Variants in KIF5C observed in about 807,000 individuals in gnomAD.
KIF5C encodes the protein kinesin heavy chain isoform 5C.
In KIF5C, 18 loss-of-function variants were observed where a neutral mutation model predicts 125.2. The ratio of observed to expected loss-of-function variants is 0.14; its 90% CI spans 0.10 to 0.21. The LOEUF is 0.21. Among genes scored for constraint, KIF5C ranks in the 10% least tolerant of loss-of-function variants. The probability of loss-of-function intolerance (pLI) is 1.00; values close to 1 mark genes in which losing one functional copy is unlikely to be tolerated. For synonymous variants in KIF5C, 405 were observed against 434.0 expected (o/e 0.93, Z 0.83); for missense variants, 780 against 1,183.8 (o/e 0.66, Z 5.01).
Position 149,025,202 on chromosome 2 carries a change from A to G in KIF5C, c.*2132A>G, listed in dbSNP as rs1208719913. 6.6e-6 allele frequency: 1 copy of G among 152,638 alleles called. No individual in the cohort carries two copies. The highest frequency in any genetic ancestry group is 2.4e-5 in the African/African-American group (1 of 41,450). 9.5% of individuals were successfully genotyped at this position (152,638 alleles called of 1,614,324 possible). ...TGTAGTTCCATTTTACTTGATCTCT[A>G]CAAGGGACTGACAACATTTGCTTTA... On this transcript the variant is annotated 3_prime_UTR_variant, in exon 26 of 26. Transcript: ENST00000435030.
chr2:148,887,082 A>G (rs1681548871), intron 1 of KIF5C, among the ~76,000 whole-genome samples: 1 of 152,252 alleles, frequency 6.6e-6, no homozygotes, highest in Non-Finnish European at 1.5e-5. Flanking sequence ...TCAAATTGGG[A>G]TAAGCAGTAG....
At chr2:148,946,697 T>C (rs538789156) in intron 7 of KIF5C, among the ~76,000 whole-genome samples, 1 of 152,340 alleles carries the variant, frequency 6.6e-6, no homozygotes, top group South Asian at 2.1e-4. Context: ...CTTTGCTCCT[T>C]GAAGACATTT....
At chr2:148,950,575 A>C in intron 10 of KIF5C, 113 bp downstream of exon 10, 1 of 1,381,942 alleles carries the variant, frequency 7.2e-7, no homozygotes, top group Admixed American at 2.5e-5. Context: ...TTGGGAGGCC[A>C]AGGCGGGTGG....
chr2:148,984,425 G>A (rs1443761883), intron 15 of KIF5C, among the ~76,000 whole-genome samples: 2 of 152,312 alleles, frequency 1.3e-5, no homozygotes, highest in Non-Finnish European at 2.9e-5. Context: ...GCTCAACAAT[G>A]TCAAGTTCTC....
intron 12 of KIF5C, among the ~76,000 whole-genome samples, chr2:148,977,375 G>A (rs1681105651): frequency 6.6e-6 from 1 of 152,196 alleles, no homozygotes; most frequent in Non-Finnish European, 1.5e-5. Context: ...TGTAGTGCTT[G>A]TCCATTTGTC....
Position 148,939,366 on chromosome 2 carries a change from G to T in KIF5C, c.396+1978G>T, listed in dbSNP as rs571736236. Among the ~76,000 whole-genome samples, 5 of 152,266 alleles carry T rather than the reference G, an allele frequency of 3.3e-5. No individual in the cohort carries two copies. The South Asian group carries it at 1.0e-3, about 32-fold the overall frequency. ...AAGCCTGCTTCTCCTTCTTGCCAAG[G>T]TTCTTTATATCTAAGGATACAGAAG... On this transcript the variant is annotated intron_variant, in intron 4 of 25. Coordinates refer to ENST00000435030, the MANE Select transcript of KIF5C (RefSeq NM_004522.3).
At chr2:148,902,124 T>C (rs1369897516) in intron 1 of KIF5C, among the ~76,000 whole-genome samples, 1 of 152,138 alleles carries the variant, frequency 6.6e-6, no homozygotes, top group Non-Finnish European at 1.5e-5. Context: ...TGGAAATCCT[T>C]TCTTTCCCCT....
intron 1 of KIF5C, among the ~76,000 whole-genome samples, chr2:148,915,686 A>C (rs1015616047): frequency 6.6e-6 from 1 of 152,256 alleles, no homozygotes; most frequent in Admixed American, 6.5e-5. Context: ...ATTTTGCCTT[A>C]CTTGGGGCTC....
intron 1 of KIF5C, among the ~76,000 whole-genome samples, chr2:148,910,533 A>G (rs1681292183): frequency 6.6e-6 from 1 of 152,174 alleles, no homozygotes; most frequent in Non-Finnish European, 1.5e-5. Context: ...TTTCCATGAC[A>G]TGGTGCTTCC....
chr2:148,934,625 C>G (rs932970158), intron 3 of KIF5C, among the ~76,000 whole-genome samples: 1 of 151,342 alleles, frequency 6.6e-6, no homozygotes. Context: ...ATATACAATA[C>G]ACACACGCCA....
intron 10 of KIF5C, among the ~76,000 whole-genome samples, chr2:148,957,577 G>T (rs1574786642): frequency 8.1e-6 from 1 of 124,002 alleles, no homozygotes; most frequent in Admixed American, 9.1e-5. Flanking sequence ...CTAGATAGGA[G>T]AATGTTTGTT....
intron 3 of KIF5C, among the ~76,000 whole-genome samples, chr2:148,931,644 C>T (rs1682188329): frequency 6.6e-6 from 1 of 152,104 alleles, no homozygotes; most frequent in Admixed American, 6.6e-5. Context: ...GCCTGGGTGA[C>T]AGAACAAGAC....
intron 1 of KIF5C, among the ~76,000 whole-genome samples, chr2:148,899,986 C>G (rs1680832093): frequency 6.6e-6 from 1 of 152,190 alleles, no homozygotes; most frequent in East Asian, 1.9e-4. Context: ...TTAAGCTCAG[C>G]TCAAACCGAT....
chr2:148,887,834 T>A lies in KIF5C; in HGVS notation c.126+12091T>A, dbSNP rs765576514. Among the ~76,000 whole-genome samples, 9 of 151,866 alleles carry A rather than the reference T, an allele frequency of 5.9e-5. 1 individual carries two copies. The highest frequency in any genetic ancestry group is 9.7e-5 in the African/African-American group (4 of 41,354). On this transcript the variant is annotated intron_variant, in intron 1 of 25. Transcript: ENST00000435030. The stretch of plus-strand genomic sequence containing the variant: ...CTTCCCGCCCTCCCCACGCTAGTAG[T>A]ACGCTTCGGTTACTTTGCACTTCTC...
intron 25 of KIF5C, among the ~76,000 whole-genome samples, chr2:149,013,969 G>T (rs949318794): frequency 2.0e-5 from 3 of 152,116 alleles, no homozygotes; most frequent in Non-Finnish European, 1.5e-5. Flanking sequence ...TGTGCTCAAT[G>T]TCCAGGTTTG....
chr2:148,927,398 G>T (rs1246534164), intron 2 of KIF5C, among the ~76,000 whole-genome samples: 1 of 152,100 alleles, frequency 6.6e-6, no homozygotes, highest in African/African-American at 2.4e-5. Flanking sequence ...CCTGGCCCTG[G>T]CAACTTCGGT....
At chr2:148,947,386 A>G (rs1682543631) in intron 8 of KIF5C, 1 of 208,076 alleles carries the variant, frequency 4.8e-6, no homozygotes, top group South Asian at 9.4e-5. Context: ...ACCCGACTCT[A>G]ATAGGCCAGG....
In KIF5C at chr2:148,937,299, C is replaced by T. The variant is rs767636994; in HGVS notation, c.307C>T (p.Pro103Ser). 3 of 1,596,580 alleles carry T rather than the reference C, an allele frequency of 1.9e-6. No homozygotes were observed. The African/African-American group carries it at 4.0e-5, about 21-fold the overall frequency. The change falls in exon 4 of 26, where the codon CCC becomes TCC. Residue 103 changes from proline to serine, a missense_variant. Pro to Ser is a moderately conservative substitution (Grantham distance 74). Transcript: ENST00000435030. ...CGCCCACTAGGGGAAGCTGCATGACCCCCAGCTCATGGGGATCATCCCACG... is the reference window on the plus strand; with the variant it reads ...CGCCCACTAGGGGAAGCTGCATGACTCCCAGCTCATGGGGATCATCCCACG... ...THTMEGKLHD[P>S]QLMGIIPRIA...
intron 9 of KIF5C, among the ~76,000 whole-genome samples, 160 bp downstream of exon 9, chr2:148,950,103 C>G (rs988808581): frequency 6.6e-6 from 1 of 152,226 alleles, no homozygotes; most frequent in African/African-American, 2.4e-5. Context: ...TGGGAGTTCC[C>G]ATCTACTAAA....
Sources: gnomAD v4.1 joint callset for allele counts (sites outside exome capture counted in the v4.1 genomes callset) on GRCh38, gnomAD v4.1.1 for gene constraint, MANE v1.5 for transcripts, NCBI Gene and HGNC (gene_info 2026-07-23, HGNC 2026-07-21) for gene names.